Variants in ALPP observed in about 807,000 individuals in gnomAD.
The protein encoded by ALPP is alkaline phosphatase, placental type.
A neutral mutation model predicts 50.7 loss-of-function variants in ALPP; 39 were observed. The observed-to-expected ratio is 0.77, with a 90% CI of 0.60 to 1.00. The LOEUF (loss-of-function observed/expected upper bound fraction) is 1.00, where lower values mean the gene tolerates loss of function less well. ALPP is among the 50% of genes least tolerant of loss of function. The pLI is 0.00. For synonymous variants in ALPP, 226 were observed against 320.3 expected, an observed-to-expected ratio of 0.71 and a Z score of 3.14; for missense variants, 550 against 746.8, an observed-to-expected ratio of 0.74 and a Z score of 3.07.
In ALPP at chr2:232,380,125, G is replaced by T. The variant is rs1575045261; in HGVS notation, c.658-61G>T. ...GGGAGGGGAGTCAGGGGCTGTGCAT[G>T]AGGAGGGGGCACGGGGCCAGCCAGG... On this transcript the variant is annotated intron_variant, in intron 5 of 10. Transcript: ENST00000392027. 4 of 1,612,072 alleles carry T rather than the reference G, an allele frequency of 2.5e-6. No individual in the cohort carries two copies. The African/African-American group carries it at 5.3e-5, about 22-fold the overall frequency.
intron 4 of ALPP, 35 bp downstream of exon 4, chr2:232,379,722 T>A: frequency 1.2e-6 from 2 of 1,613,912 alleles, no homozygotes; most frequent in Non-Finnish European, 1.7e-6. Context: ...CACGGCCAGG[T>A]CACAGACGTT....
Position 232,382,199 on chromosome 2 carries a change from G to A in ALPP, c.*404G>A, listed in dbSNP as rs1054849964. 1.2e-5 allele frequency: 3 copies of A among 243,066 alleles called. No homozygotes were observed. Among genetic ancestry groups the A allele is most frequent in the Non-Finnish European group, 2.4e-5 (3 of 127,514 alleles). The allele number at this position is 243,066 out of a possible 1,614,324, so 15.1% of individuals were successfully genotyped here. ...AATCACCTGTGGGACTTGAGGACTCGGGATCTTCAGGACGCCTGGAGAAGG... is the reference window on the plus strand; with the variant it reads ...AATCACCTGTGGGACTTGAGGACTCAGGATCTTCAGGACGCCTGGAGAAGG... On this transcript the variant is annotated 3_prime_UTR_variant, in exon 11 of 11. Coordinates refer to ENST00000392027, the MANE Select transcript of ALPP (RefSeq NM_001632.5).
At position 232,381,910 on chromosome 2, in the gene ALPP, G is replaced by C. The variant is rs1207638633; in HGVS notation, c.*115G>C. On this transcript the variant is annotated 3_prime_UTR_variant, in exon 11 of 11. Transcript: ENST00000392027. ...GTCATCCCCGGAGTCCCTATACAGA[G>C]GTCCTGCCATGGAACCTTCCCCTCC... The C allele has an allele frequency of 3.5e-6, 5 of 1,435,382 alleles. No individual in the cohort carries two copies. The highest frequency in any genetic ancestry group is 2.5e-5 in the Admixed American group (1 of 40,610). The allele number at this position is 1,435,382 out of a possible 1,614,324, so 88.9% of individuals were successfully genotyped here.
intron 3 of ALPP, 22 bp from the exon 4 acceptor site, chr2:232,379,491 C>T: frequency 6.2e-7 from 1 of 1,613,736 alleles, no homozygotes; most frequent in African/African-American, 1.3e-5. Context: ...CAGAGAAGAG[C>T]TCAGAGTGTC....
At position 232,381,712 on chromosome 2, in the gene ALPP, C is replaced by G. The variant is rs1696718870; in HGVS notation, c.1525C>G (p.His509Asp). Residue 509 changes from histidine to aspartate, a missense_variant, in exon 11 of 11, where the codon CAC becomes GAC. His to Asp is a moderately conservative substitution (Grantham distance 81). Around this residue, in one of 5 missense-constraint regions of ALPP, gnomAD observed 155 missense variants for 167.6 expected, o/e 0.92. Transcript: ENST00000392027. ...APPAGTTDAA[H>D]PGRSVVPALL... ...CCCCGCCGGCACCACCGACGCCGCG[C>G]ACCCGGGGCGGTCCGTGGTCCCCGC... is the stretch of plus-strand genomic sequence containing the variant. 2.5e-6 allele frequency: 4 copies of G among 1,604,906 alleles called. No individual in the cohort carries two copies. The highest frequency in any genetic ancestry group is 1.7e-5 in the Admixed American group (1 of 59,348).
rs61747708 is a variant in ALPP, at chr2:232,379,002, C to T, written c.108C>T (p.Arg36=). 2.5e-3 allele frequency: 4,036 copies of T among 1,614,076 alleles called. 106 individuals carry two copies. In the African/African-American group the frequency reaches 0.046, roughly 19 times the overall value. ...VEEENPDFWN[R]EAAEALGAAK... The stretch of plus-strand genomic sequence containing the variant: ...AGGAGAACCCGGACTTCTGGAACCG[C>T]GAGGCAGCCGAGGCCCTGGGTGCCG... The change falls in exon 2 of 11, where the codon CGC becomes CGT. Residue 36 remains arginine (R), a synonymous_variant. Transcript: ENST00000392027.
At chr2:232,379,418 G>A in intron 3 of ALPP, 95 bp from the exon 4 acceptor site, 1 of 1,590,084 alleles carries the variant, frequency 6.3e-7, no homozygotes, top group Non-Finnish European at 8.6e-7. Flanking sequence ...GCTCCAGTAA[G>A]GAGTTAGAGG....
Position 232,381,946 on chromosome 2 carries a change from T to G in ALPP, c.*151T>G. ...GGAACCTTCCCCTCCCCGTGCGCTC[T>G]GGGGACTGAGCCCATGACACCAAAC... On this transcript the variant is annotated 3_prime_UTR_variant, in exon 11 of 11. Coordinates refer to ENST00000392027, the MANE Select transcript of ALPP (RefSeq NM_001632.5). 7.9e-7 allele frequency: 1 copy of G among 1,262,986 alleles called. No homozygotes were observed. The highest frequency in any genetic ancestry group is 1.1e-6 in the Non-Finnish European group (1 of 938,920). The allele number at this position is 1,262,986 out of a possible 1,614,324, so 78.2% of individuals were successfully genotyped here.
chr2:232,379,019 T>TC lies in ALPP; in HGVS notation c.125_126insC (p.Ala44CysfsTer45). 1 of 1,614,090 alleles carries TC rather than the reference T, an allele frequency of 6.2e-7. No individual in the cohort carries two copies. Among genetic ancestry groups the TC allele is most frequent in the African/African-American group, 1.3e-5 (1 of 75,030 alleles). On this transcript the variant is annotated frameshift_variant, in exon 2 of 11. Transcript: ENST00000392027. LOFTEE classifies it high-confidence loss of function. Reference sequence around the variant, plus strand: ...TGGAACCGCGAGGCAGCCGAGGCCCTGGGTGCCGCCAAGAAGCTGCAGCCT... The same window carrying TC: ...TGGAACCGCGAGGCAGCCGAGGCCCTCGGGTGCCGCCAAGAAGCTGCAGCCT...
At position 232,381,776 on chromosome 2, in the gene ALPP, A is replaced by G. The variant is rs558432787; in HGVS notation, c.1589A>G (p.Glu530Gly). 1,800 of 1,581,698 alleles carry G rather than the reference A, an allele frequency of 1.1e-3. 11 individuals are homozygous for G. Among genetic ancestry groups the G allele is most frequent in the Middle Eastern group, 3.5e-3 (16 of 4,600 alleles). ...PLLAGTLLLL[E>G]TATAP ...CTGGCCGGGACCCTGCTGCTGCTGGAGACGGCCACTGCTCCCTGAGTGTCC... is the reference window on the plus strand; with the variant it reads ...CTGGCCGGGACCCTGCTGCTGCTGGGGACGGCCACTGCTCCCTGAGTGTCC... Residue 530 changes from glutamate to glycine, a missense_variant, in exon 11 of 11, where the codon GAG (glutamate) becomes GGG (glycine). Glu to Gly is a moderately conservative substitution (Grantham distance 98, BLOSUM62 -2). Coordinates refer to ENST00000392027, the MANE Select transcript of ALPP (RefSeq NM_001632.5).
chr2:232,380,351 A>G (rs1397297635), intron 6 of ALPP, 31 bp downstream of exon 6: 1 of 1,611,356 alleles, frequency 6.2e-7, no homozygotes, highest in Non-Finnish European at 8.5e-7. Context: ...CAGGGGGCAC[A>G]GCAGGGGGAG....
At chr2:232,379,966 G>A (rs1293814108) in intron 5 of ALPP, 30 bp downstream of exon 5, 4 of 1,586,868 alleles carry the variant, frequency 2.5e-6, no homozygotes, top group Non-Finnish European at 3.4e-6. Context: ...GGCTGGGGCT[G>A]GGCAGAGAGT....
rs774509069 is a variant in ALPP, at chr2:232,379,805, G to C, written c.526G>C (p.Ala176Pro). ...GVVTTTRVQHASPAGTYAHTV... is the reference protein window; with the variant it reads ...GVVTTTRVQHPSPAGTYAHTV... ...GGTAACCACCACACGAGTGCAGCAC[G>C]CCTCGCCAGCCGGCACCTACGCCCA... is the stretch of plus-strand genomic sequence containing the variant. The change falls in exon 5 of 11, where the codon GCC becomes CCC. Residue 176 changes from alanine (A) to proline (P), a missense_variant. Transcript: ENST00000392027. 6 of 1,613,674 alleles carry C rather than the reference G, an allele frequency of 3.7e-6. No individual in the cohort carries two copies. Among genetic ancestry groups the C allele is most frequent in the Non-Finnish European group, 5.1e-6 (6 of 1,180,036 alleles).
At position 232,379,567 on chromosome 2, in the gene ALPP, C is replaced by A; in HGVS notation, c.364C>A (p.Leu122Met). The A allele has an allele frequency of 2.5e-6, 4 of 1,614,126 alleles. No homozygotes were observed. The highest frequency in any genetic ancestry group is 3.4e-6 in the Non-Finnish European group (4 of 1,180,036). ...CAGTGGAGCCACAGCCACGGCCTAC[C>A]TGTGCGGGGTCAAGGGCAACTTCCA... The part of the protein sequence containing the change: ...PDSGATATAY[L>M]CGVKGNFQTI... Residue 122 changes from leucine (L) to methionine (M), a missense_variant, in exon 4 of 11, where the codon CTG (leucine) becomes ATG (methionine). Leu to Met is a conservative substitution (Grantham distance 15). Around this residue, in one of 5 missense-constraint regions of ALPP, gnomAD observed 376 missense variants for 388.5 expected, o/e 0.97. Coordinates refer to ENST00000392027, the MANE Select transcript of ALPP (RefSeq NM_001632.5).
rs1445901092 is a variant in ALPP at position 232,381,323 on chromosome 2, T to C, written c.1265T>C (p.Val422Ala). The C allele has an allele frequency of 1.2e-6, 2 of 1,614,010 alleles. No homozygotes were observed. Among genetic ancestry groups the C allele is most frequent in the Admixed American group, 1.7e-5 (1 of 60,018 alleles). ...VLLYGNGPGY[V>A]LKDGARPDVT... Reference sequence around the variant, plus strand: ...CTATACGGAAACGGTCCAGGCTATGTGCTCAAGGACGGCGCCCGGCCGGAT... The same window carrying C: ...CTATACGGAAACGGTCCAGGCTATGCGCTCAAGGACGGCGCCCGGCCGGAT... Residue 422 changes from valine to alanine, a missense_variant, in exon 10 of 11, where the codon GTG becomes GCG. Physicochemically the swap from Val to Ala is moderately conservative, Grantham distance 64. Coordinates refer to ENST00000392027, the MANE Select transcript of ALPP (RefSeq NM_001632.5).
At position 232,379,949 on chromosome 2, in the gene ALPP, G is replaced by A. The variant is rs1457024927; in HGVS notation, c.657+13G>A. 5.6e-6 allele frequency: 9 copies of A among 1,597,150 alleles called. No individual in the cohort carries two copies. Among genetic ancestry groups the A allele is most frequent in the Admixed American group, 1.7e-5 (1 of 59,338 alleles). ...CATGGACATTGACGTGCGACCCCCAGGCCAAGGGCTGGGGCTGGGCAGAGA... is the reference window on the plus strand; with the variant it reads ...CATGGACATTGACGTGCGACCCCCAAGCCAAGGGCTGGGGCTGGGCAGAGA... On this transcript the variant is annotated intron_variant, in intron 5 of 10. Coordinates refer to ENST00000392027, the MANE Select transcript of ALPP (RefSeq NM_001632.5).
intron 2 of ALPP, 54 bp downstream of exon 2, chr2:232,379,141 C>A: frequency 6.2e-7 from 1 of 1,614,062 alleles, no homozygotes. Context: ...GGCGCCCGGA[C>A]CCTCAGTGGT....
rs708 is a variant in ALPP at position 232,381,248 on chromosome 2, C to A, written c.1193-3C>A. 0.16 allele frequency: 264,222 copies of A among 1,606,322 alleles called. 5,295 individuals carry two copies. The highest frequency in any genetic ancestry group is 0.18 in the Non-Finnish European group (211,472 of 1,174,582). Reference sequence around the variant, plus strand: ...TCAACCACAGGGACCCCTCTCTCTGCAGGGCTGGCCCCTGGCAAGGCCCGG... The same window carrying A: ...TCAACCACAGGGACCCCTCTCTCTGAAGGGCTGGCCCCTGGCAAGGCCCGG... On this transcript the variant is annotated splice_region_variant and splice_polypyrimidine_tract_variant and intron_variant, in intron 9 of 10. Coordinates refer to ENST00000392027, the MANE Select transcript of ALPP (RefSeq NM_001632.5).
chr2:232,380,059 G>A (rs544091893), intron 5 of ALPP, 123 bp downstream of exon 5: 68 of 1,570,356 alleles, frequency 4.3e-5, no homozygotes, highest in African/African-American at 2.2e-4. Flanking sequence ...GGTTGTGGGC[G>A]TAGAAGGTGC....
Sources: allele counts gnomAD v4.1 joint callset, GRCh38; gene constraint gnomAD v4.1.1; regional missense constraint gnomAD v4.1.1; transcripts MANE v1.5; gene names NCBI Gene and HGNC (gene_info 2026-07-23, HGNC 2026-07-21).